The following RUNX1T1 variants were observed in gnomAD, a reference collection of about 807,000 sequenced individuals.
RUNX1T1 encodes protein CBFA2T1.
In RUNX1T1, 4 loss-of-function variants were observed where a neutral mutation model predicts 62.8. That is an observed-to-expected ratio of 0.06 (90% CI 0.03 to 0.15). The LOEUF (loss-of-function observed/expected upper bound fraction) is 0.15. Among genes scored for constraint, RUNX1T1 ranks in the 10% least tolerant of loss-of-function variants. The pLI is 1.00. For synonymous variants in RUNX1T1, 291 were observed against 286.0 expected (o/e 1.02, Z -0.18); for missense variants, 508 against 754.3 (o/e 0.67, Z 3.82).
At chr8:91,968,983 C>T (rs571903690) in intron 10 of RUNX1T1, among the ~76,000 whole-genome samples, 56 of 152,204 alleles carry the variant, frequency 3.7e-4, no homozygotes, top group Admixed American at 1.0e-3. Context: ...CAAACCCTTT[C>T]CTCTACCATG....
intron 1 of RUNX1T1, among the ~76,000 whole-genome samples, chr8:92,034,797 TAC>T (rs200718439): frequency 0.042 from 4,014 of 96,692 alleles, 113 homozygotes; most frequent in African/African-American, 0.079. Flanking sequence ...TATACATATA[TAC>T]ACACACACAC....
intron 4 of RUNX1T1, among the ~76,000 whole-genome samples, chr8:92,007,982 A>AG (rs1368828061): frequency 2.6e-5 from 4 of 151,648 alleles, no homozygotes; most frequent in African/African-American, 4.8e-5. Context: ...AAAAAAAAAA[A>AG]AAAAAGAAAG....
chr8:92,100,400 A>G (rs1260642626), upstream of RUNX1T1, among the ~76,000 whole-genome samples: 5 of 152,236 alleles, frequency 3.3e-5, no homozygotes, highest in Admixed American at 3.3e-4. Flanking sequence ...ACTGCTATCT[A>G]GTTTATAATA....
rs897166982 is a variant in RUNX1T1 at position 92,079,219 on chromosome 8, CTCTTT to C, written c.-85-3087_-85-3083del. On this transcript the variant is annotated intron_variant, in intron 1 of 11. Transcript: ENST00000265814. ...GGGTTGAATCAAACCTTAACTCTAA[CTCTTT>C]TCTTTTCCTTCATAGAAACATTTTA... is the stretch of plus-strand genomic sequence containing the variant. Among the ~76,000 whole-genome samples the C allele has an allele frequency of 2.6e-5, 4 of 152,340 alleles. No homozygotes were observed. In the East Asian group the frequency reaches 5.8e-4, roughly 22 times the overall value.
chr8:92,008,687 G>A (rs760131839), intron 4 of RUNX1T1, among the ~76,000 whole-genome samples: 1 of 152,070 alleles, frequency 6.6e-6, no homozygotes, highest in African/African-American at 2.4e-5. Context: ...CTCCCATCCA[G>A]AAACAGCCTT....
At chr8:91,957,872 T>C (rs1450638258), downstream of RUNX1T1, 5 of 221,710 alleles carry the variant, frequency 2.3e-5, no homozygotes, top group East Asian at 6.5e-5. Context: ...AACATGTAGA[T>C]AGATGTATTT....
At chr8:91,959,298 T>C (rs1156994621) in exon 11 of RUNX1T1, 1 of 223,232 alleles carries the variant, frequency 4.5e-6, no homozygotes. Flanking sequence ...ATAGACCCAA[T>C]GTCTTACTCT....
intron 1 of RUNX1T1, among the ~76,000 whole-genome samples, chr8:92,037,508 T>G (rs1827643292): frequency 6.6e-6 from 1 of 152,234 alleles, no homozygotes; most frequent in African/African-American, 2.4e-5. Flanking sequence ...CGAAACCCTG[T>G]CTCTACAGAA....
intron 2 of RUNX1T1, among the ~76,000 whole-genome samples, chr8:92,069,764 G>A (rs1421870591): frequency 6.6e-6 from 1 of 152,002 alleles, no homozygotes; most frequent in African/African-American, 2.4e-5. Flanking sequence ...ACTCAAGAAT[G>A]GTTAAAGCCT....
chr8:91,979,457 T>C (rs1380889071), intron 8 of RUNX1T1, among the ~76,000 whole-genome samples: 2 of 152,120 alleles, frequency 1.3e-5, no homozygotes, highest in East Asian at 1.9e-4. Flanking sequence ...TTCTAAAATG[T>C]AGTGGTAGAT....
upstream of RUNX1T1, chr8:92,063,728 A>G (rs1832434246): frequency 6.6e-6 from 1 of 152,242 alleles, no homozygotes. Context: ...TGCCAGGCAG[A>G]AGGAAAATAC....
At chr8:92,017,527 A>C in intron 1 of RUNX1T1, 164 bp from the exon 3 acceptor site, 2 of 1,511,796 alleles carry the variant, frequency 1.3e-6, no homozygotes, top group Non-Finnish European at 1.8e-6. Context: ...TATCATCCAA[A>C]CCCCACTTAA....
At chr8:92,076,951 A>G (rs963510243) in intron 1 of RUNX1T1, among the ~76,000 whole-genome samples, 2 of 152,092 alleles carry the variant, frequency 1.3e-5, no homozygotes, top group African/African-American at 4.8e-5. Context: ...CAGCACAATC[A>G]TACACATATA....
At chr8:92,080,406 G>A (rs1835065493) in intron 1 of RUNX1T1, among the ~76,000 whole-genome samples, 1 of 152,184 alleles carries the variant, frequency 6.6e-6, no homozygotes, top group South Asian at 2.1e-4. Context: ...GCTGTATAGA[G>A]ATAGGGCAGC....
intron 2 of RUNX1T1, 58 bp downstream of exon 3, chr8:92,017,167 GA>G: frequency 4.0e-6 from 5 of 1,251,484 alleles, no homozygotes; most frequent in South Asian, 2.7e-5. Flanking sequence ...TTCATTTGCA[GA>G]AAAAAATTTA....
intron 1 of RUNX1T1, among the ~76,000 whole-genome samples, chr8:92,055,479 T>C (rs1830892579): frequency 6.6e-6 from 1 of 152,190 alleles, no homozygotes; most frequent in Non-Finnish European, 1.5e-5. Context: ...TTTCACTGTG[T>C]TGCTCAGGCT....
intron 1 of RUNX1T1, among the ~76,000 whole-genome samples, chr8:92,018,469 G>C (rs114586201): frequency 6.6e-6 from 1 of 152,038 alleles, no homozygotes; most frequent in Non-Finnish European, 1.5e-5. Context: ...GTGTAGGCAC[G>C]CACATGAACA....
At chr8:92,038,415 A>G (rs191218264) in intron 1 of RUNX1T1, among the ~76,000 whole-genome samples, 19 of 152,180 alleles carry the variant, frequency 1.2e-4, no homozygotes, top group African/African-American at 4.3e-4. Context: ...TAAGAAAAGA[A>G]ACAAGGAGAT....
rs1405901213 is a variant in RUNX1T1 at position 92,056,124 on chromosome 8, G to A, written c.7+6422C>T. 3.9e-5 allele frequency among the ~76,000 whole-genome samples: 6 copies of A among 152,278 alleles called. No homozygotes were observed. The South Asian group carries it at 8.3e-4, about 21-fold the overall frequency. On this transcript the variant is annotated intron_variant, in intron 1 of 10. Coordinates refer to ENST00000396218, the Ensembl canonical transcript of RUNX1T1. Reference sequence around the variant, plus strand: ...TCCTAATAACCTGAGAATCATTAAAGCAAACAAGTCCTGAGGAAGGTGGTG... The same window carrying A: ...TCCTAATAACCTGAGAATCATTAAAACAAACAAGTCCTGAGGAAGGTGGTG...
Sources: gnomAD v4.1 joint callset for allele counts (sites outside exome capture counted in the v4.1 genomes callset) on GRCh38, gnomAD v4.1.1 for gene constraint, MANE v1.5 for transcripts, NCBI Gene and HGNC (gene_info 2026-07-23, HGNC 2026-07-21) for gene names.